Variants in HECW1 observed in about 807,000 individuals in gnomAD.
HECW1 encodes the protein E3 ubiquitin-protein ligase HECW1.
HECW1 carries 61 observed loss-of-function variants against 182.3 expected under a neutral mutation model. The ratio of observed to expected loss-of-function variants is 0.33; its 90% confidence interval spans 0.27 to 0.41. HECW1 has a LOEUF of 0.41. Among genes scored for constraint, HECW1 ranks in the 10% least tolerant of loss-of-function variants. The pLI is 1.00. For missense variants in HECW1, 1,739 were observed against 2,108.9 expected, an observed-to-expected ratio of 0.82 and a Z score of 3.44; for synonymous variants, 859 against 832.6, an observed-to-expected ratio of 1.03 and a Z score of -0.55.
intron 3 of HECW1, among the ~76,000 whole-genome samples, chr7:43,246,116 G>A (rs1355592612): frequency 6.7e-6 from 1 of 149,528 alleles, no homozygotes; most frequent in Non-Finnish European, 1.5e-5. Context: ...CCGAGCCATA[G>A]GGAGATCCCA....
chr7:43,272,374 CT>C (rs1802517195), intron 3 of HECW1, among the ~76,000 whole-genome samples: 2 of 152,104 alleles, frequency 1.3e-5, no homozygotes, highest in South Asian at 4.1e-4. Context: ...GCAAAAGAAA[CT>C]ATCAACAGAG....
intron 5 of HECW1, among the ~76,000 whole-genome samples, chr7:43,358,818 C>CTTTTTT (rs572118397): frequency 6.4e-5 from 6 of 93,440 alleles, no homozygotes; most frequent in Admixed American, 1.3e-4. Context: ...AAAATATATT[C>CTTTTTT]TTTTTTTTTT....
At chr7:43,420,627 T>A (rs1319732735) in intron 8 of HECW1, among the ~76,000 whole-genome samples, 1 of 152,120 alleles carries the variant, frequency 6.6e-6, no homozygotes, top group African/African-American at 2.4e-5. Context: ...AGTAACTGAA[T>A]AAATAAAAGG....
At position 43,527,234 on chromosome 7, in the gene HECW1, G is replaced by C. The variant is rs531282454; in HGVS notation, c.4020-13929G>C. Among the ~76,000 whole-genome samples, 14 of 152,292 alleles carry C rather than the reference G, an allele frequency of 9.2e-5. No homozygotes were observed. In the Middle Eastern group the frequency reaches 0.01, roughly 111 times the overall value. On this transcript the variant is annotated intron_variant, in intron 24 of 29. Coordinates refer to ENST00000395891, the MANE Select transcript of HECW1 (RefSeq NM_015052.5). Reference sequence around the variant, plus strand: ...AGGTGTTCTGGACAAGCAAGGAGGAGGGCTATGCTGCGGGTGGGCACTCCC... The same window carrying C: ...AGGTGTTCTGGACAAGCAAGGAGGACGGCTATGCTGCGGGTGGGCACTCCC...
In HECW1 at chr7:43,451,047, A is replaced by G. The variant is rs2077218948; in HGVS notation, c.2500+118A>G. The G allele has an allele frequency of 4.3e-6, 3 of 705,186 alleles. No individual in the cohort carries two copies. The Admixed American group carries it at 7.0e-5, about 17-fold the overall frequency. 43.7% of individuals were successfully genotyped at this position (705,186 alleles called of 1,614,324 possible). A position where few individuals can be genotyped will look rare whatever the true frequency, so the allele number is the denominator to read the frequency against. On this transcript the variant is annotated intron_variant, in intron 12 of 29. Coordinates refer to ENST00000395891, the MANE Select transcript of HECW1 (RefSeq NM_015052.5). Reference sequence around the variant, plus strand: ...CCCGACTCCGTGCCTTACAGTGTTAACAAAGACCAATATGACACCTGCTCT... The same window carrying G: ...CCCGACTCCGTGCCTTACAGTGTTAGCAAAGACCAATATGACACCTGCTCT...
intron 3 of HECW1, among the ~76,000 whole-genome samples, chr7:43,277,631 C>A (rs1167158993): frequency 6.6e-6 from 1 of 152,200 alleles, no homozygotes; most frequent in East Asian, 1.9e-4. Context: ...CCGTAGGCAT[C>A]CACCAGCAAT....
intron 11 of HECW1, among the ~76,000 whole-genome samples, chr7:43,449,043 C>A (rs916034946): frequency 2.0e-5 from 3 of 152,192 alleles, no homozygotes; most frequent in African/African-American, 7.2e-5. Context: ...GCTGCATTAA[C>A]CCCAGGCAGT....
chr7:43,164,222 G>A (rs1790854987), intron 2 of HECW1, among the ~76,000 whole-genome samples: 1 of 152,204 alleles, frequency 6.6e-6, no homozygotes, highest in African/African-American at 2.4e-5. Context: ...GAGACAGGGA[G>A]GCAGCAGAGA....
At chr7:43,436,212 A>G (rs1171678978) in intron 8 of HECW1, among the ~76,000 whole-genome samples, 1 of 151,850 alleles carries the variant, frequency 6.6e-6, no homozygotes, top group African/African-American at 2.4e-5. Flanking sequence ...TCATCAGAAT[A>G]AAAGAAAAAT....
intron 2 of HECW1, among the ~76,000 whole-genome samples, chr7:43,132,778 C>G (rs574187248): frequency 1.2e-3 from 184 of 152,184 alleles, no homozygotes; most frequent in African/African-American, 4.1e-3. Context: ...TGGTCTCTTC[C>G]CCTTCCTCTG....
At chr7:43,140,976 G>A (rs988723376) in intron 2 of HECW1, among the ~76,000 whole-genome samples, 3 of 152,142 alleles carry the variant, frequency 2.0e-5, no homozygotes, top group African/African-American at 7.2e-5. Flanking sequence ...TCAGAGCCCT[G>A]CCCTTCTGAC....
At chr7:43,158,150 A>G (rs1039453649) in intron 2 of HECW1, among the ~76,000 whole-genome samples, 6 of 152,314 alleles carry the variant, frequency 3.9e-5, no homozygotes, top group African/African-American at 1.2e-4. Context: ...AAATAGTACT[A>G]TTACTTACTA....
chr7:43,173,770 T>C (rs1329900529), intron 2 of HECW1, among the ~76,000 whole-genome samples: 1 of 152,112 alleles, frequency 6.6e-6, no homozygotes, highest in Non-Finnish European at 1.5e-5. Context: ...TGGTCCAGGA[T>C]TTGGGGACCT....
intron 16 of HECW1, among the ~76,000 whole-genome samples, chr7:43,471,718 A>G (rs1039251219): frequency 6.6e-6 from 1 of 152,182 alleles, no homozygotes; most frequent in Non-Finnish European, 1.5e-5. Context: ...GGCAGTCACC[A>G]TCAGAGAGGT....
chr7:43,527,054 A>G (rs1374444527), intron 24 of HECW1, among the ~76,000 whole-genome samples: 2 of 152,222 alleles, frequency 1.3e-5, no homozygotes, highest in Non-Finnish European at 2.9e-5. Flanking sequence ...TATCCAGGCA[A>G]GCAGCCTTTT....
intron 24 of HECW1, among the ~76,000 whole-genome samples, chr7:43,526,557 G>T (rs1346267556): frequency 2.0e-5 from 3 of 152,202 alleles, no homozygotes; most frequent in African/African-American, 7.2e-5. Flanking sequence ...TCACAGGTAA[G>T]AAAGAGATAA....
intron 5 of HECW1, among the ~76,000 whole-genome samples, chr7:43,322,325 G>T (rs1307310483): frequency 6.6e-6 from 1 of 152,186 alleles, no homozygotes; most frequent in Non-Finnish European, 1.5e-5. Flanking sequence ...CTCCCAAAGT[G>T]CTGGGATTAC....
intron 15 of HECW1, among the ~76,000 whole-genome samples, chr7:43,468,170 C>T (rs562729221): frequency 6.6e-6 from 1 of 152,042 alleles, no homozygotes; most frequent in African/African-American, 2.4e-5. Flanking sequence ...CATCCTCCAA[C>T]CCCCCTACAC....
At chr7:43,122,117 C>T (rs1280671089) in intron 2 of HECW1, 3 of 152,200 alleles carry the variant, frequency 2.0e-5, no homozygotes, top group Non-Finnish European at 4.4e-5. Context: ...CACTCAGTAA[C>T]CATTTGAAGA....
Sources: gnomAD v4.1 joint callset for allele counts (sites outside exome capture counted in the v4.1 genomes callset) on GRCh38, gnomAD v4.1.1 for gene constraint, MANE v1.5 for transcripts, NCBI Gene and HGNC (gene_info 2026-07-23, HGNC 2026-07-21) for gene names.